The following DTNA variants were observed in gnomAD, a reference collection of about 807,000 sequenced individuals.
DTNA encodes the protein dystrophin-related protein 3.
Under a neutral mutation model 100.7 loss-of-function variants are expected in DTNA, and 43 were observed. The ratio of observed to expected loss-of-function variants is 0.43; its 90% CI spans 0.33 to 0.55. The LOEUF is 0.55. Ranked by LOEUF, DTNA falls within the 20% of genes least tolerant of loss-of-function variation. DTNA has a pLI of 0.04. For missense variants in DTNA, 798 were observed against 953.9 expected, an observed-to-expected ratio of 0.84 and a Z score of 2.15; for synonymous variants, 349 against 347.9, an observed-to-expected ratio of 1.00 and a Z score of -0.04.
chr18:34,692,917 A>G (rs2079981597), intron 1 of DTNA, among the ~76,000 whole-genome samples: 1 of 152,194 alleles, frequency 6.6e-6, no homozygotes, highest in African/African-American at 2.4e-5. Flanking sequence ...GACTAATTAT[A>G]AACGAATTTC....
intron 1 of DTNA, among the ~76,000 whole-genome samples, chr18:34,501,121 G>C (rs536754917): frequency 1.3e-5 from 2 of 152,158 alleles, no homozygotes; most frequent in East Asian, 3.9e-4. Context: ...TCAAATTGAA[G>C]AATTTCACTT....
chr18:34,634,891 G>A (rs771768625), intron 1 of DTNA, among the ~76,000 whole-genome samples: 3 of 152,058 alleles, frequency 2.0e-5, no homozygotes, highest in Non-Finnish European at 4.4e-5. Flanking sequence ...TAGTCACTGC[G>A]TTGTGCTGAA....
chr18:34,677,990 G>A (rs2077594014), intron 1 of DTNA, among the ~76,000 whole-genome samples: 1 of 152,174 alleles, frequency 6.6e-6, no homozygotes, highest in African/African-American at 2.4e-5. Flanking sequence ...GAGGCCTCAG[G>A]AAACTTACAG....
intron 4 of DTNA, among the ~76,000 whole-genome samples, chr18:34,797,868 A>G (rs1451030774): frequency 6.6e-6 from 1 of 152,184 alleles, no homozygotes; most frequent in Non-Finnish European, 1.5e-5. Context: ...ACTGCCTCCC[A>G]AAGACTTCTT....
At chr18:34,761,469 G>A (rs2093166236) in intron 2 of DTNA, among the ~76,000 whole-genome samples, 1 of 152,156 alleles carries the variant, frequency 6.6e-6, no homozygotes, top group Admixed American at 6.5e-5. Flanking sequence ...AAATGAATGG[G>A]TAGGGAAAAG....
intron 1 of DTNA, among the ~76,000 whole-genome samples, chr18:34,745,657 C>G (rs1174267625): frequency 6.6e-6 from 1 of 152,184 alleles, no homozygotes; most frequent in East Asian, 1.9e-4. Context: ...TTGCAGGTCG[C>G]CAGCAAGCTT....
intron 4 of DTNA, among the ~76,000 whole-genome samples, chr18:34,795,219 C>T (rs1161858374): frequency 1.3e-5 from 2 of 152,148 alleles, no homozygotes. Context: ...AGTATTTACC[C>T]CCGCAGTGGA....
In DTNA at chr18:34,879,697, A is replaced by T; in HGVS notation, c.2140A>T (p.Thr714Ser). The change falls in exon 20 of 23, where the codon ACA becomes TCA. Residue 714 changes from threonine (T) to serine (S), a missense_variant. Coordinates refer to ENST00000444659, the MANE Select transcript of DTNA (RefSeq NM_001386795.1). ...KPGYIHSGAT[T>S]STMRGDMVTE... ...TGGGTACATTCACAGTGGAGCTACC[A>T]CAAGTACCATGCGTGGCGACATGTG... 1 of 1,614,092 alleles carries T rather than the reference A, an allele frequency of 6.2e-7. No homozygotes were observed. Among genetic ancestry groups the T allele is most frequent in the Non-Finnish European group, 8.5e-7 (1 of 1,179,992 alleles).
intron 14 of DTNA, among the ~76,000 whole-genome samples, chr18:34,849,455 A>G (rs2096442333): frequency 1.3e-5 from 2 of 152,216 alleles, no homozygotes; most frequent in South Asian, 4.1e-4. Context: ...CCATGACCTC[A>G]TGCAAAGCAG....
chr18:34,736,621 C>G (rs2089647787), intron 1 of DTNA, among the ~76,000 whole-genome samples: 1 of 152,128 alleles, frequency 6.6e-6, no homozygotes, highest in African/African-American at 2.4e-5. Context: ...TTTAAGGCCT[C>G]ATTTAAATGC....
intron 4 of DTNA, among the ~76,000 whole-genome samples, chr18:34,804,362 G>T (rs1188229811): frequency 6.6e-6 from 1 of 152,164 alleles, no homozygotes. Flanking sequence ...TTTAAGCAAT[G>T]AAATAATATG....
intron 1 of DTNA, among the ~76,000 whole-genome samples, chr18:34,499,260 T>C (rs563543632): frequency 1.3e-5 from 2 of 152,348 alleles, no homozygotes; most frequent in South Asian, 4.1e-4. Context: ...GGATTGGTTT[T>C]TCCACTCAGC....
intron 3 of DTNA, among the ~76,000 whole-genome samples, chr18:34,789,245 C>A (rs926191880): frequency 4.6e-5 from 7 of 152,170 alleles, no homozygotes; most frequent in African/African-American, 1.7e-4. Flanking sequence ...TACCACCATC[C>A]CTTACTGGAA....
rs912346231 is a variant in DTNA, at chr18:34,772,134, A to G, written c.148+6093A>G. ...CTACACCCACAGCTAACATTGCACC[A>G]TCTTTTAGTCCTACTGGTTACAGCC... On this transcript the variant is annotated intron_variant, in intron 3 of 22. Coordinates refer to ENST00000444659, the MANE Select transcript of DTNA (RefSeq NM_001386795.1). 1.2e-4 allele frequency among the ~76,000 whole-genome samples: 18 copies of G among 152,280 alleles called. No homozygotes were observed. The East Asian group carries it at 3.1e-3, about 26-fold the overall frequency.
chr18:34,755,112 G>T (rs1421415424), intron 1 of DTNA, among the ~76,000 whole-genome samples: 1 of 152,162 alleles, frequency 6.6e-6, no homozygotes, highest in Non-Finnish European at 1.5e-5. Flanking sequence ...CACATGAGAG[G>T]AAACTTTGGT....
At chr18:34,789,905 A>G (rs2094642981) in intron 3 of DTNA, among the ~76,000 whole-genome samples, 1 of 152,100 alleles carries the variant, frequency 6.6e-6, no homozygotes. Flanking sequence ...TACAGGCATT[A>G]TTTTATTCAG....
chr18:34,746,528 G>A (rs11877204), intron 1 of DTNA, among the ~76,000 whole-genome samples: 5,091 of 151,988 alleles, frequency 0.033, 295 homozygotes, highest in African/African-American at 0.12. Context: ...CAGTCATTCT[G>A]CCAAGATACA....
At chr18:34,583,557 G>A (rs1392124479) in intron 1 of DTNA, among the ~76,000 whole-genome samples, 1 of 150,818 alleles carries the variant, frequency 6.6e-6, no homozygotes, top group African/African-American at 2.4e-5. Flanking sequence ...AAGAAAACAG[G>A]AGAGAACACA....
chr18:34,883,636 G>T (rs1261461909), intron 21 of DTNA, among the ~76,000 whole-genome samples: 1 of 151,968 alleles, frequency 6.6e-6, no homozygotes, highest in Non-Finnish European at 1.5e-5. Context: ...GGGCAGCAGT[G>T]CCCTGTCTTA....
Sources: gnomAD v4.1 joint callset for allele counts (sites outside exome capture counted in the v4.1 genomes callset) on GRCh38, gnomAD v4.1.1 for gene constraint, MANE v1.5 for transcripts, NCBI Gene and HGNC (gene_info 2026-07-23, HGNC 2026-07-21) for gene names.